Variants in CCND3 observed in about 807,000 individuals in gnomAD.
The protein encoded by CCND3 is cyclin D3, also known as G1/S-specific cyclin-D3.
Under a neutral mutation model 28.7 loss-of-function variants are expected in CCND3, and 9 were observed. The ratio of observed to expected loss-of-function variants is 0.31; its 90% CI spans 0.19 to 0.55. CCND3 has a LOEUF of 0.55. Among genes scored for constraint, CCND3 ranks in the 20% least tolerant of loss-of-function variants. CCND3 has a pLI of 0.93. For missense variants in CCND3, 315 were observed against 385.8 expected (o/e 0.82, Z 1.54); for synonymous variants, 164 against 163.9 (o/e 1.00, Z 0.00).
At chr6:42,001,320 T>C (rs1417412650) in intron 1 of CCND3, among the ~76,000 whole-genome samples, 1 of 147,944 alleles carries the variant, frequency 6.8e-6, no homozygotes, top group Non-Finnish European at 1.5e-5. Context: ...AGGATATACA[T>C]AGGTGCTAAT....
intron 1 of CCND3, among the ~76,000 whole-genome samples, chr6:42,009,597 A>T (rs1763278038): frequency 6.6e-6 from 1 of 150,780 alleles, no homozygotes; most frequent in Admixed American, 6.7e-5. Context: ...GGGCAACAAG[A>T]CCGAAACTCC....
intron 1 of CCND3, among the ~76,000 whole-genome samples, chr6:41,952,807 T>A (rs561343198): frequency 1.1e-5 from 1 of 88,450 alleles, no homozygotes; most frequent in South Asian, 5.3e-4. Context: ...AAGTAGTGAG[T>A]GTGAGTGTGT....
intron 1 of CCND3, among the ~76,000 whole-genome samples, chr6:41,948,473 C>G (rs942382453): frequency 2.6e-5 from 4 of 152,016 alleles, no homozygotes; most frequent in Non-Finnish European, 5.9e-5. Context: ...GTAGCTGGGA[C>G]TATAGGCGTG....
intron 1 of CCND3, among the ~76,000 whole-genome samples, chr6:41,987,344 A>G (rs1762505567): frequency 6.6e-6 from 1 of 151,992 alleles, no homozygotes; most frequent in Non-Finnish European, 1.5e-5. Flanking sequence ...AGGTAGCAGC[A>G]CTTCAGAAAA....
intron 1 of CCND3, among the ~76,000 whole-genome samples, chr6:41,959,552 T>C (rs935500299): frequency 1.3e-5 from 2 of 149,870 alleles, no homozygotes; most frequent in Non-Finnish European, 3.0e-5. Context: ...GGCGTGGTGG[T>C]GTGTGCCTGT....
At chr6:42,036,194 T>C (rs1764202778) in intron 1 of CCND3, among the ~76,000 whole-genome samples, 1 of 149,404 alleles carries the variant, frequency 6.7e-6, no homozygotes, top group Non-Finnish European at 1.5e-5. Flanking sequence ...GGTTTCACCA[T>C]GTTGGCCAGG....
At chr6:41,965,961 C>T (rs1362173934) in intron 1 of CCND3, among the ~76,000 whole-genome samples, 1 of 152,152 alleles carries the variant, frequency 6.6e-6, no homozygotes, top group East Asian at 1.9e-4. Flanking sequence ...GGCTGACCTC[C>T]TGCTGTATGG....
chr6:41,979,185 A>AAG (rs1310876517), intron 1 of CCND3, among the ~76,000 whole-genome samples: 5 of 151,328 alleles, frequency 3.3e-5, no homozygotes, highest in African/African-American at 1.2e-4. Flanking sequence ...AAAAAAAAAA[A>AAG]AAAAAAATCC....
intron 1 of CCND3, among the ~76,000 whole-genome samples, chr6:41,966,433 A>G (rs1761887617): frequency 6.6e-6 from 1 of 152,112 alleles, no homozygotes; most frequent in African/African-American, 2.4e-5. Context: ...AAAAAAGAGA[A>G]TTCTGATGGC....
chr6:41,958,000 CT>C (rs536258560), intron 1 of CCND3, among the ~76,000 whole-genome samples: 6 of 127,016 alleles, frequency 4.7e-5, no homozygotes, highest in South Asian at 2.5e-4. Flanking sequence ...TTATCTTTAT[CT>C]TTTTTTTTTT....
upstream of CCND3, among the ~76,000 whole-genome samples, chr6:41,943,583 A>G (rs1439047004): frequency 2.0e-5 from 3 of 152,172 alleles, no homozygotes; most frequent in Admixed American, 1.3e-4. Context: ...TTTTGTGGTA[A>G]TATCTTTGTG....
chr6:41,941,009 G>T lies in CCND3; in HGVS notation c.199-424C>A, dbSNP rs1300066415. 2 of 1,612,028 alleles carry T rather than the reference G, an allele frequency of 1.2e-6. No homozygotes were observed. Among genetic ancestry groups the T allele is most frequent in the Non-Finnish European group, 1.7e-6 (2 of 1,179,492 alleles). ...CTCCTGCACTTTTCATTTCCCTGTC[G>T]GCCGGAACAGGGCGCGCGCCACCCC... On this transcript the variant is annotated intron_variant, in intron 1 of 4. Transcript: ENST00000372991. The surrounding 1 kb of genome is among the most constrained non-coding windows in gnomAD (Gnocchi z 6.1).
At chr6:42,004,324 T>G (rs1437199270) in intron 1 of CCND3, among the ~76,000 whole-genome samples, 3 of 152,070 alleles carry the variant, frequency 2.0e-5, no homozygotes, top group Non-Finnish European at 4.4e-5. Flanking sequence ...TATAAGCAAC[T>G]TAGTGCCAAT....
chr6:41,995,943 A>C (rs1762787160), intron 1 of CCND3, among the ~76,000 whole-genome samples: 1 of 151,398 alleles, frequency 6.6e-6, no homozygotes, highest in Admixed American at 6.6e-5. Flanking sequence ...AATGTTAATA[A>C]AATTTTTTTA....
At chr6:42,028,242 G>A (rs1763939381) in intron 1 of CCND3, among the ~76,000 whole-genome samples, 1 of 152,206 alleles carries the variant, frequency 6.6e-6, no homozygotes, top group African/African-American at 2.4e-5. Context: ...GGTGGAGGGT[G>A]GCCAGGGAAG....
In CCND3 at chr6:42,048,931, G is replaced by T; in HGVS notation, c.-476C>A. The T allele has an allele frequency of 8.5e-6, 2 of 233,998 alleles. No individual in the cohort carries two copies. The highest frequency in any genetic ancestry group is 9.1e-5 in the South Asian group (2 of 21,898). The allele number at this position is 233,998 out of a possible 1,614,324, so 14.5% of individuals were successfully genotyped here. A position where few individuals can be genotyped will look rare whatever the true frequency, so the allele number is the denominator to read the frequency against. On this transcript the variant is annotated 5_prime_UTR_variant, in exon 1 of 5. Transcript: ENST00000372988. The surrounding 1 kb of genome is among the most constrained non-coding windows in gnomAD (Gnocchi z 4.7). ...GCGCCACGGAGGCTCAGGTGTGGGC[G>T]GCGGGGCCGGGGCAGCACGGGTTCC...
intron 1 of CCND3, among the ~76,000 whole-genome samples, chr6:41,965,222 A>T (rs765879581): frequency 6.6e-6 from 1 of 151,816 alleles, no homozygotes; most frequent in Non-Finnish European, 1.5e-5. Flanking sequence ...AACACCCACC[A>T]TCACGCCTGG....
chr6:41,988,791 C>T lies in CCND3; in HGVS notation c.-45-48206G>A, dbSNP rs1263227119. 2.7e-5 allele frequency among the ~76,000 whole-genome samples: 4 copies of T among 149,390 alleles called. No homozygotes were observed. In the East Asian group the frequency reaches 5.9e-4, roughly 22 times the overall value. ...TCGGCTCACTGCAAGCTCCGCCTCC[C>T]GGGTTCACGCCATTCTCCTGCCTGA... is the stretch of plus-strand genomic sequence containing the variant. On this transcript the variant is annotated intron_variant, in intron 1 of 4. Coordinates refer to the CCND3 transcript ENST00000372988.
In CCND3 at chr6:42,048,746, C is replaced by A; in HGVS notation, c.-291G>T. 1 of 487,036 alleles carries A rather than the reference C, an allele frequency of 2.1e-6. No individual in the cohort carries two copies. The highest frequency in any genetic ancestry group is 4.1e-6 in the Non-Finnish European group (1 of 245,634). The allele number at this position is 487,036 out of a possible 1,614,324, so 30.2% of individuals were successfully genotyped here. Reference sequence around the variant, plus strand: ...TGGGCAGGAAGTGGGGAAGAGGGGGCGGAGGAGACAAAGGGGCTGGTGCTC... The same window carrying A: ...TGGGCAGGAAGTGGGGAAGAGGGGGAGGAGGAGACAAAGGGGCTGGTGCTC... On this transcript the variant is annotated 5_prime_UTR_variant, in exon 1 of 5. Coordinates refer to the CCND3 transcript ENST00000372988. This position sits in a 1 kb window ranked among gnomAD's most constrained non-coding sequence, Gnocchi z 4.7.
Sources: allele counts gnomAD v4.1 joint callset (sites outside exome capture counted in the v4.1 genomes callset), GRCh38; gene constraint gnomAD v4.1.1; non-coding constraint Gnocchi (gnomAD v3.1); transcripts MANE v1.5; gene names NCBI Gene and HGNC (gene_info 2026-07-23, HGNC 2026-07-21).